DHRS3: variants seen among roughly 807,000 people sequenced by gnomAD.
DHRS3 encodes the protein short-chain dehydrogenase/reductase 3.
DHRS3 carries 14 observed loss-of-function variants against 27.2 expected under a neutral mutation model. The observed-to-expected ratio is 0.52, with a 90% CI of 0.34 to 0.81. The LOEUF (loss-of-function observed/expected upper bound fraction) is 0.81. Among genes scored for constraint, DHRS3 ranks in the 30% least tolerant of loss-of-function variants. DHRS3 has a pLI of 0.01. For synonymous variants in DHRS3, 165 were observed against 175.9 expected, an observed-to-expected ratio of 0.94 and a Z score of 0.49; for missense variants, 322 against 406.2, an observed-to-expected ratio of 0.79 and a Z score of 1.78.
At chr1:12,600,257 A>T in intron 1 of DHRS3, 1 of 648,018 alleles carries the variant, frequency 1.5e-6, no homozygotes, top group Non-Finnish European at 1.9e-6. Context: ...AAACATTTCC[A>T]CTGACTTGAA....
At chr1:12,570,881 G>A (rs892951486) in intron 5 of DHRS3, among the ~76,000 whole-genome samples, 1 of 152,240 alleles carries the variant, frequency 6.6e-6, no homozygotes, top group East Asian at 1.9e-4. Flanking sequence ...AAAGGGCTTT[G>A]AGTTTGGGGA....
At position 12,578,810 on chromosome 1, in the gene DHRS3, C is replaced by T; in HGVS notation, c.606G>A (p.Leu202=). 6.2e-7 allele frequency: 1 copy of T among 1,614,084 alleles called. No individual in the cohort carries two copies. Among genetic ancestry groups the T allele is most frequent in the Non-Finnish European group, 8.5e-7 (1 of 1,180,036 alleles). The change falls in exon 4 of 6, where the codon CTG becomes CTA. Residue 202 remains leucine, a synonymous_variant. Coordinates refer to ENST00000616661, the MANE Select transcript of DHRS3 (RefSeq NM_004753.7). This position sits in a 1 kb window ranked among gnomAD's most constrained non-coding sequence, Gnocchi z 4.5. ...CCGGACAGTCCAGCAGCCCCAGGGTCAGGCTCTCCATGAAGGCGAAGGCTG... is the reference window on the plus strand; with the variant it reads ...CCGGACAGTCCAGCAGCCCCAGGGTTAGGCTCTCCATGAAGGCGAAGGCTG... ...KASAFAFMES[L]TLGLLDCPGV...
intron 1 of DHRS3, chr1:12,616,573 T>C: frequency 3.0e-6 from 3 of 986,210 alleles, no homozygotes; most frequent in Non-Finnish European, 3.6e-6. Context: ...GGCCTCCTCT[T>C]TCCTGCTTTC....
intron 1 of DHRS3, among the ~76,000 whole-genome samples, chr1:12,616,100 T>A (rs1016541589): frequency 1.3e-5 from 2 of 152,244 alleles, no homozygotes. Context: ...TGGAATTACA[T>A]GCAGGTTTGG....
chr1:12,611,613 A>G (rs1419706739), intron 1 of DHRS3, among the ~76,000 whole-genome samples: 2 of 151,962 alleles, frequency 1.3e-5, no homozygotes, highest in East Asian at 3.9e-4. Context: ...TGCTTTCTTC[A>G]CCTGGAAGTC....
intron 1 of DHRS3, among the ~76,000 whole-genome samples, chr1:12,589,707 GAT>G (rs1439994296): frequency 6.6e-6 from 1 of 152,174 alleles, no homozygotes; most frequent in African/African-American, 2.4e-5. Flanking sequence ...CTGTGGGCTG[GAT>G]ATGTTGGCTC....
chr1:12,587,265 C>T (rs1269910817), intron 1 of DHRS3, among the ~76,000 whole-genome samples: 2 of 151,834 alleles, frequency 1.3e-5, no homozygotes, highest in East Asian at 3.9e-4. Context: ...ACCTCAGCCT[C>T]CCAAGTAGCT....
chr1:12,579,272 C>G (rs751470525), intron 3 of DHRS3, 21 bp downstream of exon 3: 2 of 1,614,100 alleles, frequency 1.2e-6, no homozygotes, highest in Non-Finnish European at 1.7e-6. Context: ...GGGGCTGGCT[C>G]TGGCCCCGGA....
At chr1:12,583,770 CCATCCATCCATG>C in intron 1 of DHRS3, among the ~76,000 whole-genome samples, 1 of 151,960 alleles carries the variant, frequency 6.6e-6, no homozygotes. Flanking sequence ...CTCCATCTGT[CCATCCATCCATG>C]CATCCATCCA....
chr1:12,585,701 G>A lies in DHRS3; in HGVS notation c.196-5035C>T, dbSNP rs193276918. Among the ~76,000 whole-genome samples the A allele has an allele frequency of 2.0e-3, 311 of 152,288 alleles. 1 individual carries two copies. The highest frequency in any genetic ancestry group is 7.1e-3 in the African/African-American group (296 of 41,568). On this transcript the variant is annotated intron_variant, in intron 1 of 5. Coordinates refer to ENST00000616661, the MANE Select transcript of DHRS3 (RefSeq NM_004753.7). ...ACTGACCAGGTAACTGGCAGATACC[G>A]CTCTGCAGGCCCGCCCAGGTGGCTC...
In DHRS3 at chr1:12,575,538, T is replaced by C. The variant is rs376720602; in HGVS notation, c.699-2685A>G. On this transcript the variant is annotated intron_variant, in intron 4 of 5. Transcript: ENST00000616661. ...TATTCTTTTAGGAAATGGGAGTTGG[T>C]TAGGTACCCATCTTCCTTGTACTAC... Among the ~76,000 whole-genome samples, 15 of 152,226 alleles carry C rather than the reference T, an allele frequency of 9.9e-5. No individual in the cohort carries two copies. The South Asian group carries it at 2.5e-3, about 25-fold the overall frequency.
intron 1 of DHRS3, among the ~76,000 whole-genome samples, chr1:12,599,364 C>T (rs553119389): frequency 6.6e-6 from 1 of 152,332 alleles, no homozygotes; most frequent in South Asian, 2.1e-4. Context: ...GGGAATTTTC[C>T]CAAGCACCAG....
chr1:12,568,918 C>A (rs1013825222), intron 5 of DHRS3, among the ~76,000 whole-genome samples: 7 of 151,932 alleles, frequency 4.6e-5, no homozygotes, highest in African/African-American at 1.7e-4. Flanking sequence ...CAGAGCCAGA[C>A]CCTGTCTCAA....
intron 1 of DHRS3, among the ~76,000 whole-genome samples, chr1:12,607,491 T>C (rs1317165474): frequency 6.6e-6 from 1 of 152,216 alleles, no homozygotes. Context: ...AAGTTCATTC[T>C]CCTTCCTGCT....
chr1:12,578,024 G>A lies in DHRS3; in HGVS notation c.698+694C>T, dbSNP rs763252435. On this transcript the variant is annotated intron_variant, in intron 4 of 5. Transcript: ENST00000616661. This position sits in a 1 kb window ranked among gnomAD's most constrained non-coding sequence, Gnocchi z 4.5. ...CCCCCAGCCCTCCAGGGGAAGCCAC[G>A]GGTCTGATTTCCATCACCCTAACCC... is the stretch of plus-strand genomic sequence containing the variant. 5.3e-5 allele frequency among the ~76,000 whole-genome samples: 8 copies of A among 152,098 alleles called. No individual in the cohort carries two copies. The highest frequency in any genetic ancestry group is 7.4e-5 in the Non-Finnish European group (5 of 68,026).
At position 12,595,259 on chromosome 1, in the gene DHRS3, T is replaced by C. The variant is rs571415432; in HGVS notation, c.196-14593A>G. 1.9e-4 allele frequency among the ~76,000 whole-genome samples: 29 copies of C among 152,222 alleles called. No homozygotes were observed. The East Asian group carries it at 5.4e-3, about 28-fold the overall frequency. On this transcript the variant is annotated intron_variant, in intron 1 of 5. Coordinates refer to ENST00000616661, the MANE Select transcript of DHRS3 (RefSeq NM_004753.7). ...ACCCTGGCCCTGACAGCTAACGAGCTGCAGCCGGCTCGGTGCGCGGCCGGG... is the reference window on the plus strand; with the variant it reads ...ACCCTGGCCCTGACAGCTAACGAGCCGCAGCCGGCTCGGTGCGCGGCCGGG...
rs1557524016 is a variant in DHRS3 at position 12,591,538 on chromosome 1, C to A, written c.196-10872G>T. On this transcript the variant is annotated intron_variant, in intron 1 of 5. Coordinates refer to ENST00000616661, the MANE Select transcript of DHRS3 (RefSeq NM_004753.7). This position sits in a 1 kb window ranked among gnomAD's most constrained non-coding sequence, Gnocchi z 4.1. ...AGACTTCCTCCAGGCGGACGTCCAG[C>A]CTGGAACTGGCCCGCTTGGGAGGCA... Among the ~76,000 whole-genome samples, 1 of 152,244 alleles carries A rather than the reference C, an allele frequency of 6.6e-6. No individual in the cohort carries two copies. Among genetic ancestry groups the A allele is most frequent in the East Asian group, 1.9e-4 (1 of 5,198 alleles).
rs763252435 is a variant in DHRS3 at position 12,578,024 on chromosome 1, G to T, written c.698+694C>A. Among the ~76,000 whole-genome samples, 1 of 152,098 alleles carries T rather than the reference G, an allele frequency of 6.6e-6. No homozygotes were observed. Among genetic ancestry groups the T allele is most frequent in the Non-Finnish European group, 1.5e-5 (1 of 68,026 alleles). On this transcript the variant is annotated intron_variant, in intron 4 of 5. Coordinates refer to ENST00000616661, the MANE Select transcript of DHRS3 (RefSeq NM_004753.7). This position sits in a 1 kb window ranked among gnomAD's most constrained non-coding sequence, Gnocchi z 4.5. The stretch of plus-strand genomic sequence containing the variant: ...CCCCCAGCCCTCCAGGGGAAGCCAC[G>T]GGTCTGATTTCCATCACCCTAACCC...
chr1:12,572,450 G>T (rs773061489), intron 5 of DHRS3, among the ~76,000 whole-genome samples: 1 of 152,224 alleles, frequency 6.6e-6, no homozygotes, highest in African/African-American at 2.4e-5. Flanking sequence ...GATTACAGGC[G>T]TGAGCCACTG....
Sources: gnomAD v4.1 joint callset for allele counts (sites outside exome capture counted in the v4.1 genomes callset) on GRCh38, gnomAD v4.1.1 for gene constraint, Gnocchi (gnomAD v3.1) non-coding constraint, MANE v1.5 for transcripts, NCBI Gene and HGNC (gene_info 2026-07-23, HGNC 2026-07-21) for gene names.